Variants in TBXAS1 observed in about 807,000 individuals in gnomAD.
TBXAS1 encodes thromboxane-A synthase.
A neutral mutation model predicts 60.7 loss-of-function variants in TBXAS1; 48 were observed. The observed-to-expected ratio is 0.79, with a 90% CI of 0.63 to 1.01. The LOEUF (loss-of-function observed/expected upper bound fraction) is 1.01. Ranked by LOEUF, TBXAS1 falls within the 50% of genes least tolerant of loss-of-function variation. The probability of loss-of-function intolerance (pLI) is 0.00; values close to 1 mark genes in which losing one functional copy is unlikely to be tolerated. For synonymous variants in TBXAS1, 287 were observed against 269.7 expected, an observed-to-expected ratio of 1.06 and a Z score of -0.63; for missense variants, 685 against 686.3, an observed-to-expected ratio of 1.00 and a Z score of 0.02.
At chr7:139,939,702 G>T (rs1294862276) in intron 5 of TBXAS1, among the ~76,000 whole-genome samples, 2 of 151,992 alleles carry the variant, frequency 1.3e-5, no homozygotes, top group Non-Finnish European at 1.5e-5. Context: ...ACACAGAGAC[G>T]TGTAGCATAT....
At chr7:139,868,840 A>G (rs372225147) in intron 1 of TBXAS1, among the ~76,000 whole-genome samples, 2 of 150,110 alleles carry the variant, frequency 1.3e-5, no homozygotes, top group East Asian at 3.9e-4. Context: ...TTTAGTAGAG[A>G]TGAGGTTTTG....
At chr7:139,926,632 T>C (rs1361258485) in intron 4 of TBXAS1, among the ~76,000 whole-genome samples, 2 of 152,120 alleles carry the variant, frequency 1.3e-5, no homozygotes, top group African/African-American at 4.8e-5. Context: ...ATTTCATTTA[T>C]TTCTGCTGTG....
intron 1 of TBXAS1, among the ~76,000 whole-genome samples, chr7:139,837,123 G>C (rs556078779): frequency 1.3e-5 from 2 of 152,292 alleles, no homozygotes; most frequent in East Asian, 3.9e-4. Flanking sequence ...CATTACTTCT[G>C]CAAGAATGGC....
At chr7:139,869,170 C>T (rs946713649) in intron 1 of TBXAS1, among the ~76,000 whole-genome samples, 5 of 152,158 alleles carry the variant, frequency 3.3e-5, no homozygotes, top group African/African-American at 9.7e-5. Context: ...GCTATGTTCC[C>T]TATGAAATCT....
intron 4 of TBXAS1, among the ~76,000 whole-genome samples, chr7:139,788,784 G>C (rs560736056): frequency 1.0e-3 from 157 of 152,368 alleles, no homozygotes; most frequent in Admixed American, 2.5e-3. Flanking sequence ...GCCTGCCCCA[G>C]ACTGGGGCCA....
intron 1 of TBXAS1, among the ~76,000 whole-genome samples, chr7:139,870,765 C>T (rs1448366648): frequency 2.0e-5 from 3 of 152,218 alleles, no homozygotes; most frequent in African/African-American, 7.2e-5. Flanking sequence ...TCCCGTTCTG[C>T]CCTGGTTCTC....
chr7:139,823,014 C>G (rs548561349), intron 4 of TBXAS1, among the ~76,000 whole-genome samples: 4 of 152,052 alleles, frequency 2.6e-5, no homozygotes, highest in Admixed American at 2.0e-4. Context: ...TTGCATATCT[C>G]CCCGTCCTCC....
chr7:139,796,674 T>G (rs1453197750), intron 4 of TBXAS1, among the ~76,000 whole-genome samples: 1 of 152,224 alleles, frequency 6.6e-6, no homozygotes, highest in African/African-American at 2.4e-5. Context: ...GGCTCATTGA[T>G]TGTCATAAAT....
rs1400747831 is a variant in TBXAS1, at chr7:139,911,227, A to G, written c.239A>G (p.Tyr80Cys). 3 of 1,613,924 alleles carry G rather than the reference A, an allele frequency of 1.9e-6. No individual in the cohort carries two copies. Among genetic ancestry groups the G allele is most frequent in the African/African-American group, 1.3e-5 (1 of 74,924 alleles). The change falls in exon 4 of 13, where the codon TAC becomes TGC. Residue 80 changes from tyrosine (Y) to cysteine (C), a missense_variant and splice_region_variant. Physicochemically the swap from Tyr to Cys is radical, Grantham distance 194. Transcript: ENST00000448866. ...LRKLYGPLCG[Y>C]YLGRRMFIVI... is the part of the protein sequence containing the mutation. ...AATGCATTTTTTATTCCTCCCAGGT[A>G]CTATCTTGGTCGTCGGATGTTTATT...
At chr7:139,990,530 C>T (rs1229308993) in intron 9 of TBXAS1, among the ~76,000 whole-genome samples, 2 of 152,132 alleles carry the variant, frequency 1.3e-5, no homozygotes, top group African/African-American at 4.8e-5. Flanking sequence ...CTCCTGTCCT[C>T]CAGGGACCCC....
At chr7:139,897,247 G>A (rs1804179900) in intron 3 of TBXAS1, among the ~76,000 whole-genome samples, 1 of 151,806 alleles carries the variant, frequency 6.6e-6, no homozygotes, top group African/African-American at 2.4e-5. Flanking sequence ...TCCAGGCAAG[G>A]CAGGGGGAAC....
intron 1 of TBXAS1, among the ~76,000 whole-genome samples, chr7:139,869,996 T>G (rs1204539335): frequency 1.3e-5 from 2 of 152,114 alleles, no homozygotes; most frequent in Non-Finnish European, 2.9e-5. Context: ...CCCTGCAGAT[T>G]TGGGTGCAGG....
intron 4 of TBXAS1, among the ~76,000 whole-genome samples, chr7:139,809,126 C>A (rs1156738092): frequency 6.6e-6 from 1 of 151,276 alleles, no homozygotes; most frequent in African/African-American, 2.4e-5. Flanking sequence ...TAGAGTTCTC[C>A]AGAGAGACAG....
chr7:139,883,873 T>C (rs1383558777), intron 3 of TBXAS1, among the ~76,000 whole-genome samples: 1 of 152,254 alleles, frequency 6.6e-6, no homozygotes, highest in Admixed American at 6.5e-5. Flanking sequence ...TATTCTATTG[T>C]ATTGTATTCT....
At position 139,936,214 on chromosome 7, in the gene TBXAS1, G is replaced by T. The variant is rs41275018; in HGVS notation, c.357G>T (p.Ser119=). Residue 119 remains serine, a synonymous_variant, in exon 5 of 13, where the codon TCG becomes TCT. Coordinates refer to ENST00000448866, the MANE Select transcript of TBXAS1 (RefSeq NM_001061.7). ...AGGCGTCGGGTTTGGAGTTCAAGTC[G>T]GTAGCCGACAGCGTTCTGTTTTTAC... The part of the protein sequence containing the change: ...NRMASGLEFK[S]VADSVLFLRD... The T allele has an allele frequency of 3.7e-6, 6 of 1,614,176 alleles. No individual in the cohort carries two copies. In the Middle Eastern group the frequency reaches 5.0e-4, roughly 133 times the overall value.
chr7:139,979,364 C>G (rs1438503092), intron 9 of TBXAS1, among the ~76,000 whole-genome samples: 3 of 152,090 alleles, frequency 2.0e-5, no homozygotes, highest in African/African-American at 7.2e-5. Flanking sequence ...ATGTGTCCAT[C>G]TTTACCATAA....
intron 4 of TBXAS1, among the ~76,000 whole-genome samples, chr7:139,931,048 C>CACACACAT (rs1042300696): frequency 6.6e-6 from 1 of 152,054 alleles, no homozygotes; most frequent in Admixed American, 6.6e-5. Flanking sequence ...AGAATACACA[C>CACACACAT]ACACACATAC....
chr7:139,978,488 T>TG (rs1248307329), intron 9 of TBXAS1, among the ~76,000 whole-genome samples: 3 of 150,482 alleles, frequency 2.0e-5, no homozygotes, highest in Non-Finnish European at 4.4e-5. Flanking sequence ...CCAGCCTGGG[T>TG]GACAGAGTGA....
intron 9 of TBXAS1, among the ~76,000 whole-genome samples, chr7:139,980,187 G>A (rs1212481370): frequency 1.3e-5 from 2 of 152,034 alleles, no homozygotes; most frequent in Admixed American, 1.3e-4. Flanking sequence ...GCTCATTGCG[G>A]GCATCTAAAT....
Sources: allele counts gnomAD v4.1 joint callset (sites outside exome capture counted in the v4.1 genomes callset), GRCh38; gene constraint gnomAD v4.1.1; transcripts MANE v1.5; gene names NCBI Gene and HGNC (gene_info 2026-07-23, HGNC 2026-07-21).